Variants in AGBL4 observed in about 807,000 individuals in gnomAD.
AGBL4 encodes the protein AGBL carboxypeptidase 4.
AGBL4 carries 58 observed loss-of-function variants against 66.4 expected under a neutral mutation model. The ratio of observed to expected loss-of-function variants is 0.87; its 90% CI spans 0.71 to 1.09. AGBL4 has a LOEUF of 1.09. AGBL4 is among the 50% of genes least tolerant of loss of function. The pLI, the probability that AGBL4 is intolerant of heterozygous loss-of-function variation, is 0.00. For synonymous variants in AGBL4, 234 were observed against 222.9 expected (o/e 1.05, Z -0.44); for missense variants, 579 against 631.0 (o/e 0.92, Z 0.88).
In AGBL4 at chr1:49,737,229, C is replaced by T. The variant is rs188896001; in HGVS notation, c.158-39792G>A. On this transcript the variant is annotated intron_variant, in intron 2 of 13. Coordinates refer to ENST00000371839, the MANE Select transcript of AGBL4 (RefSeq NM_032785.4). ...AATCATTCTACCAAAAAGAAACATG[C>T]ACTTATATGCTTGTTGCTGCACTAT... Among the ~76,000 whole-genome samples the T allele has an allele frequency of 8.4e-4, 128 of 152,204 alleles. 2 individuals carry two copies. Among genetic ancestry groups the T allele is most frequent in the Admixed American group, 7.9e-3 (121 of 15,278 alleles).
At chr1:49,482,061 A>G (rs1646967007) in intron 3 of AGBL4, among the ~76,000 whole-genome samples, 1 of 151,288 alleles carries the variant, frequency 6.6e-6, no homozygotes, top group South Asian at 2.1e-4. Context: ...ATTTATATTC[A>G]TCAAGGAAAT....
rs368650736 is a variant in AGBL4 at position 49,485,212 on chromosome 1, G to A, written c.282+212101C>T. On this transcript the variant is annotated intron_variant, in intron 3 of 13. Coordinates refer to ENST00000371839, the MANE Select transcript of AGBL4 (RefSeq NM_032785.4). ...GCAAAGACTTGGAACCAACCCAAAT[G>A]TCCAACAATGATAGACTGGATTAAG... is the stretch of plus-strand genomic sequence containing the variant. 3.4e-4 allele frequency among the ~76,000 whole-genome samples: 51 copies of A among 151,988 alleles called. 1 individual carries two copies. In the South Asian group the frequency reaches 9.8e-3, roughly 29 times the overall value.
rs1646258259 is a variant in AGBL4, at chr1:49,148,239, C to G, written c.377+97531G>C. Among the ~76,000 whole-genome samples the G allele has an allele frequency of 2.0e-5, 3 of 152,246 alleles. 1 individual carries two copies. The South Asian group carries it at 6.2e-4, about 32-fold the overall frequency. On this transcript the variant is annotated intron_variant, in intron 4 of 13. Transcript: ENST00000371839. The stretch of plus-strand genomic sequence containing the variant: ...ACACTGATTAGTGTCGTTATTATTA[C>G]TATCTATCCCTCATAATGTGAGGAG...
intron 2 of AGBL4, among the ~76,000 whole-genome samples, chr1:49,801,823 C>T (rs952720675): frequency 1.3e-5 from 2 of 152,080 alleles, no homozygotes; most frequent in African/African-American, 4.8e-5. Flanking sequence ...CAGAGTAATC[C>T]TTATTCAAAA....
chr1:49,262,399 C>T (rs1355026986), intron 3 of AGBL4, among the ~76,000 whole-genome samples: 2 of 152,048 alleles, frequency 1.3e-5, no homozygotes, highest in East Asian at 3.9e-4. Context: ...TTTTCACAAC[C>T]TACTCATCTG....
At position 49,246,688 on chromosome 1, in the gene AGBL4, G is replaced by C. The variant is rs188267696; in HGVS notation, c.283-824C>G. On this transcript the variant is annotated intron_variant, in intron 3 of 13. Coordinates refer to ENST00000371839, the MANE Select transcript of AGBL4 (RefSeq NM_032785.4). ...CAAACAACTTTGTTATAAGAGGGGAGGGAAGATTGTGAAAGAGAAGAGAAA... is the reference window on the plus strand; with the variant it reads ...CAAACAACTTTGTTATAAGAGGGGACGGAAGATTGTGAAAGAGAAGAGAAA... Among the ~76,000 whole-genome samples, 149 of 151,928 alleles carry C rather than the reference G, an allele frequency of 9.8e-4. 2 individuals carry two copies. The highest frequency in any genetic ancestry group is 7.2e-3 in the Admixed American group (109 of 15,232).
intron 4 of AGBL4, among the ~76,000 whole-genome samples, chr1:49,196,709 T>C (rs981580146): frequency 6.6e-6 from 1 of 152,154 alleles, no homozygotes; most frequent in Non-Finnish European, 1.5e-5. Context: ...ACTATATAGC[T>C]TCTTATTTTT....
At chr1:48,559,604 C>T (rs1644367153) in intron 11 of AGBL4, among the ~76,000 whole-genome samples, 1 of 152,196 alleles carries the variant, frequency 6.6e-6, no homozygotes, top group South Asian at 2.1e-4. Flanking sequence ...GCACTTTTTA[C>T]TGGTATGTAG....
At chr1:49,067,648 T>C (rs1644515434) in intron 4 of AGBL4, among the ~76,000 whole-genome samples, 1 of 152,156 alleles carries the variant, frequency 6.6e-6, no homozygotes, top group Admixed American at 6.6e-5. Flanking sequence ...GAAATCACTC[T>C]CTCTCAATCC....
intron 3 of AGBL4, among the ~76,000 whole-genome samples, chr1:49,295,314 T>G (rs1268909346): frequency 6.6e-6 from 1 of 152,162 alleles, no homozygotes; most frequent in East Asian, 1.9e-4. Flanking sequence ...TACCAGAACA[T>G]GGCAGAGTGA....
intron 3 of AGBL4, among the ~76,000 whole-genome samples, chr1:49,682,550 C>T (rs1310070352): frequency 1.3e-5 from 2 of 152,176 alleles, no homozygotes; most frequent in East Asian, 1.9e-4. Flanking sequence ...TTATTGCCCA[C>T]TCATCACAGA....
chr1:48,978,989 C>G (rs1659548942), intron 5 of AGBL4, among the ~76,000 whole-genome samples: 1 of 152,092 alleles, frequency 6.6e-6, no homozygotes, highest in Admixed American at 6.6e-5. Context: ...AATCTGTGCC[C>G]TTTACAAATG....
At chr1:49,104,724 G>A (rs1425101349) in intron 4 of AGBL4, among the ~76,000 whole-genome samples, 1 of 152,106 alleles carries the variant, frequency 6.6e-6, no homozygotes, top group Non-Finnish European at 1.5e-5. Context: ...AACTCCAAAT[G>A]CCCTCTCCTA....
chr1:48,753,343 C>T lies in AGBL4; in HGVS notation c.635-90102G>A, dbSNP rs78109781. On this transcript the variant is annotated intron_variant, in intron 6 of 13. Coordinates refer to ENST00000371839, the MANE Select transcript of AGBL4 (RefSeq NM_032785.4). ...AAGTTACACAGGTAATAAATTAAGA[C>T]AGCTGAGATTCAAACCCAAGTAGTA... 2.6e-3 allele frequency among the ~76,000 whole-genome samples: 400 copies of T among 152,316 alleles called. 2 individuals are homozygous for T. Among genetic ancestry groups the T allele is most frequent in the East Asian group, 0.012 (64 of 5,180 alleles).
intron 5 of AGBL4, among the ~76,000 whole-genome samples, chr1:48,870,903 T>C (rs1228364970): frequency 6.6e-6 from 1 of 152,214 alleles, no homozygotes; most frequent in African/African-American, 2.4e-5. Flanking sequence ...AACAAAAGTG[T>C]ATGTTCCAGA....
At chr1:48,721,146 G>C (rs1330711347) in intron 6 of AGBL4, among the ~76,000 whole-genome samples, 1 of 151,966 alleles carries the variant, frequency 6.6e-6, no homozygotes, top group African/African-American at 2.4e-5. Context: ...TTATAACTGG[G>C]CTGACATATG....
intron 5 of AGBL4, among the ~76,000 whole-genome samples, chr1:48,894,589 G>A (rs1375559943): frequency 1.3e-5 from 2 of 151,920 alleles, no homozygotes; most frequent in African/African-American, 4.8e-5. Context: ...CACATGTCAT[G>A]TTGTAGGTTA....
At chr1:49,298,339 T>G (rs1387632471) in intron 3 of AGBL4, among the ~76,000 whole-genome samples, 6 of 152,132 alleles carry the variant, frequency 3.9e-5, no homozygotes, top group Non-Finnish European at 7.4e-5. Flanking sequence ...GCAACAGATC[T>G]CCCCTCTCCC....
At chr1:49,840,421 TTTCA>T (rs1368680360) in intron 2 of AGBL4, among the ~76,000 whole-genome samples, 1 of 152,116 alleles carries the variant, frequency 6.6e-6, no homozygotes, top group African/African-American at 2.4e-5. Context: ...GAACCCATGG[TTTCA>T]TTGATGGTTT....
Sources: gnomAD v4.1 joint callset for allele counts (sites outside exome capture counted in the v4.1 genomes callset) on GRCh38, gnomAD v4.1.1 for gene constraint, MANE v1.5 for transcripts, NCBI Gene and HGNC (gene_info 2026-07-23, HGNC 2026-07-21) for gene names.